RASGRF1: variants seen among roughly 807,000 people sequenced by gnomAD.
RASGRF1 encodes Ras protein specific guanine nucleotide releasing factor 1, also known as ras-specific guanine nucleotide-releasing factor 1.
In RASGRF1, 40 loss-of-function variants were observed where a neutral mutation model predicts 138.7. The ratio of observed to expected loss-of-function variants is 0.29; its 90% CI spans 0.22 to 0.38. The LOEUF (loss-of-function observed/expected upper bound fraction) is 0.38. Ranked by LOEUF, RASGRF1 falls within the 10% of genes least tolerant of loss-of-function variation. The probability of loss-of-function intolerance (pLI) is 1.00; values close to 1 mark genes in which losing one functional copy is unlikely to be tolerated. For missense variants in RASGRF1, 1,108 were observed against 1,650.4 expected (o/e 0.67, Z 5.69); for synonymous variants, 614 against 663.2 (o/e 0.93, Z 1.14).
At chr15:78,988,151 T>G (rs28624404) in intron 22 of RASGRF1, among the ~76,000 whole-genome samples, 2,403 of 152,302 alleles carry the variant, frequency 0.016, 27 homozygotes, top group Middle Eastern at 0.024. Flanking sequence ...TACTCTGCTG[T>G]GTAATGTTGG....
rs2058041719 is a variant in RASGRF1, at chr15:79,090,535, T to G, written c.-37A>C. On this transcript the variant is annotated 5_prime_UTR_variant, in exon 1 of 27. The change abolishes an upstream ATG in the 5' untranslated region. Transcript: ENST00000558480. ...GCCAGCGAGACCCCACGCGCTTACATCTTCTCCGCGCAGCAGCCCCCCGTC... is the reference window on the plus strand; with the variant it reads ...GCCAGCGAGACCCCACGCGCTTACAGCTTCTCCGCGCAGCAGCCCCCCGTC... 1 of 1,596,170 alleles carries G rather than the reference T, an allele frequency of 6.3e-7. No individual in the cohort carries two copies. Among genetic ancestry groups the G allele is most frequent in the Non-Finnish European group, 8.5e-7 (1 of 1,172,506 alleles).
At chr15:79,016,179 G>T (rs368798462) in intron 12 of RASGRF1, among the ~76,000 whole-genome samples, 2 of 152,192 alleles carry the variant, frequency 1.3e-5, no homozygotes, top group Non-Finnish European at 2.9e-5. Context: ...GATAGGGAAG[G>T]CTTGGTGGCA....
chr15:78,977,476 G>C (rs1011646292), intron 24 of RASGRF1, among the ~76,000 whole-genome samples: 1 of 152,140 alleles, frequency 6.6e-6, no homozygotes, highest in African/African-American at 2.4e-5. Flanking sequence ...TTTACCACTG[G>C]GTTGCTAGGC....
chr15:78,971,986 C>T, intron 25 of RASGRF1, 52 bp from the exon 26 acceptor site: 1 of 1,478,984 alleles, frequency 6.8e-7, no homozygotes. Flanking sequence ...CTAGTTCCAC[C>T]CCCAACTTTG....
Position 79,072,433 on chromosome 15 carries a change from G to T in RASGRF1, c.277-7907C>A, listed in dbSNP as rs182364236. ...TGGGACTACAGGCGTCTGCCACCACGCCCGGCTAATTTTTTGTATTTTTAG... is the reference window on the plus strand; with the variant it reads ...TGGGACTACAGGCGTCTGCCACCACTCCCGGCTAATTTTTTGTATTTTTAG... On this transcript the variant is annotated intron_variant, in intron 1 of 26. Transcript: ENST00000558480. 6.2e-3 allele frequency among the ~76,000 whole-genome samples: 934 copies of T among 151,724 alleles called. 11 individuals carry two copies. Among genetic ancestry groups the T allele is most frequent in the African/African-American group, 0.022 (903 of 41,384 alleles).
chr15:78,985,473 G>A, intron 22 of RASGRF1: 2 of 363,502 alleles, frequency 5.5e-6, no homozygotes, highest in Non-Finnish European at 1.0e-5. Context: ...TAAATACCTA[G>A]GAACTTAATG....
At chr15:79,043,379 G>A (rs539418048) in intron 5 of RASGRF1, among the ~76,000 whole-genome samples, 2 of 152,282 alleles carry the variant, frequency 1.3e-5, no homozygotes, top group South Asian at 2.1e-4. Context: ...TTCCTTCCAT[G>A]TTATATTTGA....
chr15:78,984,736 G>T (rs955756322), intron 23 of RASGRF1: 4 of 476,428 alleles, frequency 8.4e-6, no homozygotes, highest in Non-Finnish European at 1.6e-5. Flanking sequence ...GAAGAAAAAT[G>T]TTGGGACCAA....
rs768556319 is a variant in RASGRF1, at chr15:78,998,062, C to A, written c.2966+34G>T. The A allele has an allele frequency of 5.1e-6, 8 of 1,559,372 alleles. No homozygotes were observed. The South Asian group carries it at 5.6e-5, about 11-fold the overall frequency. ...AAGGCAGGGCTCCTGTCCCAGCAGGCAGTTCTGAGCCAGGAACCAGGTACT... is the reference window on the plus strand; with the variant it reads ...AAGGCAGGGCTCCTGTCCCAGCAGGAAGTTCTGAGCCAGGAACCAGGTACT... On this transcript the variant is annotated intron_variant, in intron 19 of 26. Coordinates refer to ENST00000558480, the MANE Select transcript of RASGRF1 (RefSeq NM_001145648.3).
chr15:78,976,456 T>C (rs8026710), intron 24 of RASGRF1, among the ~76,000 whole-genome samples: 34,863 of 152,070 alleles, frequency 0.23, 4,090 homozygotes, highest in Non-Finnish European at 0.25. Context: ...TTGGGCTGCA[T>C]TTAAAACCAT....
Position 79,006,876 on chromosome 15 carries a change from G to C in RASGRF1, c.1827-442C>G, listed in dbSNP as rs918412133. 6.6e-6 allele frequency among the ~76,000 whole-genome samples: 1 copy of C among 152,124 alleles called. No individual in the cohort carries two copies. The highest frequency in any genetic ancestry group is 1.5e-5 in the Non-Finnish European group (1 of 68,022). ...AAAATACAAAAGTTAGCTAGGTGTG[G>C]TGGCCCATACCTGTAATACCAGTTA... On this transcript the variant is annotated intron_variant, in intron 13 of 26. Transcript: ENST00000558480. The surrounding 1 kb of genome is among the most constrained non-coding windows in gnomAD (Gnocchi z 4.0).
intron 2 of RASGRF1, 105 bp from the exon 3 acceptor site, chr15:79,058,586 G>T: frequency 7.0e-7 from 1 of 1,427,776 alleles, no homozygotes; most frequent in Non-Finnish European, 9.5e-7. Flanking sequence ...CCTGCACTTA[G>T]CAGAAGGCCC....
At chr15:79,028,079 C>T (rs1158906038) in intron 8 of RASGRF1, among the ~76,000 whole-genome samples, 1 of 152,146 alleles carries the variant, frequency 6.6e-6, no homozygotes, top group Non-Finnish European at 1.5e-5. Flanking sequence ...TCTGACAGCT[C>T]AAGGAGGCAA....
intron 23 of RASGRF1, among the ~76,000 whole-genome samples, chr15:78,984,144 T>C (rs1157482049): frequency 6.6e-6 from 1 of 152,002 alleles, no homozygotes; most frequent in East Asian, 1.9e-4. Context: ...AAGTCCAGAG[T>C]GGTCCAGATG....
At position 79,032,094 on chromosome 15, in the gene RASGRF1, T is replaced by C. The variant is rs982900286; in HGVS notation, c.1152+29A>G. On this transcript the variant is annotated intron_variant, in intron 7 of 26. Transcript: ENST00000558480. This position sits in a 1 kb window ranked among gnomAD's most constrained non-coding sequence, Gnocchi z 4.5. ...TCCCCCACACCTGCCTCCCTGACTC[T>C]ACCCCACCCAGGCAGGGCCGGACGC... 5.0e-6 allele frequency: 8 copies of C among 1,604,708 alleles called. No individual in the cohort carries two copies. In the Admixed American group the frequency reaches 5.1e-5, roughly 10 times the overall value.
chr15:79,032,270 C>T lies in RASGRF1; in HGVS notation c.1005G>A (p.Glu335=). The T allele has an allele frequency of 6.2e-7, 1 of 1,613,984 alleles. No homozygotes were observed. Among genetic ancestry groups the T allele is most frequent in the South Asian group, 1.1e-5 (1 of 91,084 alleles). Residue 335 remains glutamate, a synonymous_variant, in exon 7 of 27, where the codon GAG becomes GAA. Coordinates refer to ENST00000558480, the MANE Select transcript of RASGRF1 (RefSeq NM_001145648.3). The surrounding 1 kb of genome is among the most constrained non-coding windows in gnomAD (Gnocchi z 4.5). The part of the protein sequence containing the change: ...ILLPMLNIYQ[E]FVRNHQYSLQ... ...GGCTGTACTGGTGGTTGCGGACGAA[C>T]TCTTGGTAGATGTTGAGCATGGGCA... is the stretch of plus-strand genomic sequence containing the variant.
At chr15:79,067,075 A>G (rs2057690241) in intron 1 of RASGRF1, among the ~76,000 whole-genome samples, 1 of 152,176 alleles carries the variant, frequency 6.6e-6, no homozygotes, top group Admixed American at 6.5e-5. Flanking sequence ...CTCCTGGGAT[A>G]GGAGACACTG....
intron 22 of RASGRF1, among the ~76,000 whole-genome samples, chr15:78,987,835 G>A (rs948918237): frequency 2.6e-5 from 4 of 152,176 alleles, no homozygotes; most frequent in Non-Finnish European, 4.4e-5. Context: ...TGGGGTACAA[G>A]TGCAGAAGGG....
intron 1 of RASGRF1, among the ~76,000 whole-genome samples, chr15:79,070,537 G>A (rs1043367169): frequency 6.6e-6 from 1 of 152,162 alleles, no homozygotes; most frequent in Non-Finnish European, 1.5e-5. Context: ...GGTGTAGGTG[G>A]CATTGTGTTA....
Sources: gnomAD v4.1 joint callset for allele counts (sites outside exome capture counted in the v4.1 genomes callset) on GRCh38, gnomAD v4.1.1 for gene constraint, Gnocchi (gnomAD v3.1) non-coding constraint, MANE v1.5 for transcripts, NCBI Gene and HGNC (gene_info 2026-07-23, HGNC 2026-07-21) for gene names.